POLQ: variants seen among roughly 807,000 people sequenced by gnomAD.
POLQ encodes the protein epididymis secretory sperm binding protein.
In POLQ, 233 loss-of-function variants were observed where a neutral mutation model predicts 259.2. The ratio of observed to expected loss-of-function variants is 0.90; its 90% CI spans 0.81 to 1.00. POLQ has a LOEUF of 1.00. Ranked by LOEUF, POLQ falls within the 50% of genes least tolerant of loss-of-function variation. The pLI, the probability that POLQ is intolerant of heterozygous loss-of-function variation, is 0.00. For missense variants in POLQ, 2,871 were observed against 3,051.6 expected, an observed-to-expected ratio of 0.94 and a Z score of 1.39; for synonymous variants, 1,025 against 1,048.8, an observed-to-expected ratio of 0.98 and a Z score of 0.44.
chr3:121,456,607 AAATC>A, intron 25 of POLQ, among the ~76,000 whole-genome samples: 1 of 151,918 alleles, frequency 6.6e-6, no homozygotes, highest in African/African-American at 2.4e-5. Flanking sequence ...ACAGAGAGCC[AAATC>A]ATGAGTGAAC....
chr3:121,541,404 G>A lies in POLQ; in HGVS notation c.419C>T (p.Ala140Val). Residue 140 changes from alanine to valine, a missense_variant, in exon 3 of 30, where the codon GCT becomes GTT. Ala to Val is a moderately conservative substitution (Grantham distance 64). This residue lies in a region of POLQ where 783 missense variants were observed against 906.2 expected (regional missense o/e 0.86). Coordinates refer to ENST00000264233, the MANE Select transcript of POLQ (RefSeq NM_199420.4). ...LKRVLEMRKK[A>V]LFILPFVSVA... ...AGAAACAAAGGGAAGAATAAACAAA[G>A]CTTTCTTCCGCATTTCCAAAACCCG... The A allele has an allele frequency of 6.2e-7, 1 of 1,609,472 alleles. No individual in the cohort carries two copies. Among genetic ancestry groups the A allele is most frequent in the Non-Finnish European group, 8.5e-7 (1 of 1,176,816 alleles).
At chr3:121,449,725 G>A (rs906667144) in intron 25 of POLQ, among the ~76,000 whole-genome samples, 9 of 152,144 alleles carry the variant, frequency 5.9e-5, no homozygotes, top group Non-Finnish European at 1.3e-4. Flanking sequence ...AGTCTTTATA[G>A]CAACTTTTTA....
chr3:121,456,274 T>A (rs1356990605), intron 25 of POLQ, among the ~76,000 whole-genome samples: 1 of 152,088 alleles, frequency 6.6e-6, no homozygotes, highest in Non-Finnish European at 1.5e-5. Flanking sequence ...ACAGCCAATA[T>A]CACACTGAAC....
At chr3:121,520,122 ACG>A in intron 8 of POLQ, 39 bp from the exon 9 acceptor site, 3 of 1,171,968 alleles carry the variant, frequency 2.6e-6, no homozygotes, top group Non-Finnish European at 3.8e-6. Context: ...TTGATATATA[ACG>A]AAAATATTAT....
intron 12 of POLQ, among the ~76,000 whole-genome samples, chr3:121,505,585 G>C (rs1169888336): frequency 6.6e-6 from 1 of 152,048 alleles, no homozygotes; most frequent in Admixed American, 6.5e-5. Flanking sequence ...GAAGATAAAA[G>C]TTGCCATCTT....
intron 14 of POLQ, among the ~76,000 whole-genome samples, chr3:121,495,081 G>A (rs2048104887): frequency 6.6e-6 from 1 of 151,946 alleles, no homozygotes; most frequent in African/African-American, 2.4e-5. Flanking sequence ...AGACCAGCCT[G>A]ACCAACATGG....
chr3:121,517,236 G>T (rs973170739), intron 9 of POLQ, among the ~76,000 whole-genome samples: 2 of 152,160 alleles, frequency 1.3e-5, no homozygotes, highest in African/African-American at 4.8e-5. Flanking sequence ...TGGGAAGGAA[G>T]AATCTCACTC....
chr3:121,469,023 T>TA (rs1324721911), intron 22 of POLQ, among the ~76,000 whole-genome samples: 1 of 151,902 alleles, frequency 6.6e-6, no homozygotes, highest in African/African-American at 2.4e-5. Context: ...CCGTCTCCAC[T>TA]AAAAACACAA....
chr3:121,440,328 CTT>C (rs1257500963), intron 26 of POLQ, among the ~76,000 whole-genome samples: 1 of 152,086 alleles, frequency 6.6e-6, no homozygotes, highest in African/African-American at 2.4e-5. Context: ...TACTCTAACT[CTT>C]TGGGTTTTTT....
In POLQ at chr3:121,519,973, G is replaced by A. The variant is rs143949381; in HGVS notation, c.1366C>T (p.Arg456Cys). The change falls in exon 9 of 30, where the codon CGT becomes TGT. Residue 456 changes from arginine to cysteine, a missense_variant. Arg to Cys is a radical substitution (Grantham distance 180, BLOSUM62 -3). Transcript: ENST00000264233. ...LSSGVNLPAR[R>C]VIIRTPIFGG... ...AAAATAGGGGTTCGAATAATCACACGACGTGCAGGTAAATTCACCCCAGAA... is the reference window on the plus strand; with the variant it reads ...AAAATAGGGGTTCGAATAATCACACAACGTGCAGGTAAATTCACCCCAGAA... 145 of 1,611,696 alleles carry A rather than the reference G, an allele frequency of 9.0e-5. No individual in the cohort carries two copies. The highest frequency in any genetic ancestry group is 1.6e-4 in the Middle Eastern group (1 of 6,082).
At position 121,460,034 on chromosome 3, in the gene POLQ, T is replaced by C. The variant is rs746554611; in HGVS notation, c.7152+16A>G. The C allele has an allele frequency of 6.3e-7, 1 of 1,598,406 alleles. No homozygotes were observed. The highest frequency in any genetic ancestry group is 8.6e-7 in the Non-Finnish European group (1 of 1,165,928). ...AAATTCTTCTCCTTTATATTAACCA[T>C]GTTCACTAAAATCACCTGTTTTGCC... On this transcript the variant is annotated intron_variant, in intron 25 of 29. Transcript: ENST00000264233.
rs765591013 is a variant in POLQ, at chr3:121,490,403, C to G, written c.2528G>C (p.Arg843Pro). ...TTCCTCTTCCTCATCCACTGCCTTC[C>G]GGGCACTACACAAGGAGATGGGAAA... ...LKNAVPFKSA[R>P]KAVDEEEEAV... Residue 843 changes from arginine to proline, a missense_variant, in exon 16 of 30, where the codon CGG (arginine) becomes CCG (proline). By Grantham distance (103) the Arg-to-Pro change is moderately radical. This residue lies in a region of POLQ where 2,080 missense variants were observed against 2,126.0 expected (regional missense o/e 0.98). Transcript: ENST00000264233. The G allele has an allele frequency of 9.3e-6, 15 of 1,613,144 alleles. No individual in the cohort carries two copies. Among genetic ancestry groups the G allele is most frequent in the African/African-American group, 4.0e-5 (3 of 74,926 alleles).
At chr3:121,494,265 G>C (rs199732489) in intron 14 of POLQ, 14 of 1,593,196 alleles carry the variant, frequency 8.8e-6, no homozygotes, top group Non-Finnish European at 8.5e-7. Flanking sequence ...GACCTCACCC[G>C]CTTTGTGAAA....
chr3:121,475,386 G>A (rs1025453997), intron 20 of POLQ, among the ~76,000 whole-genome samples: 4 of 152,022 alleles, frequency 2.6e-5, no homozygotes, highest in African/African-American at 9.7e-5. Flanking sequence ...TTTCAAAAAT[G>A]ACAGGATGAA....
chr3:121,527,781 G>T (rs2048383206), intron 7 of POLQ, among the ~76,000 whole-genome samples: 1 of 152,076 alleles, frequency 6.6e-6, no homozygotes, highest in Non-Finnish European at 1.5e-5. Flanking sequence ...ACCTCAAATT[G>T]GTCCCATGGT....
At chr3:121,468,908 T>G (rs1002672321) in intron 22 of POLQ, among the ~76,000 whole-genome samples, 2 of 152,222 alleles carry the variant, frequency 1.3e-5, no homozygotes, top group Non-Finnish European at 2.9e-5. Context: ...CTAGAAGTAC[T>G]GAATCAGGTG....
In POLQ at chr3:121,489,228, T is replaced by G. The variant is rs753913320; in HGVS notation, c.3703A>C (p.Ile1235Leu). ...TTAAGCTTTATCCTTTCACAATTGA[T>G]AGTAACATTTGAGTCTCTATTTATG... ...SYINRDSNVT[I>L]NCERIKLNTE... The change falls in exon 16 of 30, where the codon ATC (isoleucine) becomes CTC (leucine). Residue 1235 changes from isoleucine to leucine, a missense_variant. Physicochemically the swap from Ile to Leu is conservative, Grantham distance 5 (BLOSUM62 2). This residue lies in a region of POLQ where 2,080 missense variants were observed against 2,126.0 expected (regional missense o/e 0.98). Transcript: ENST00000264233. 2.5e-6 allele frequency: 4 copies of G among 1,611,886 alleles called. No individual in the cohort carries two copies. In the African/African-American group the frequency reaches 4.0e-5, roughly 16 times the overall value.
intron 19 of POLQ, among the ~76,000 whole-genome samples, chr3:121,479,641 C>G (rs2047955669): frequency 6.6e-6 from 1 of 151,870 alleles, no homozygotes; most frequent in Non-Finnish European, 1.5e-5. Flanking sequence ...TTAGTAGAGA[C>G]AGGGTTTCAC....
intron 12 of POLQ, 98 bp from the exon 13 acceptor site, chr3:121,498,768 G>A (rs552498542): frequency 2.4e-6 from 2 of 819,776 alleles, no homozygotes; most frequent in East Asian, 5.3e-5. Flanking sequence ...AGGCATGATG[G>A]TATGTGCCTG....
Sources: allele counts gnomAD v4.1 joint callset (sites outside exome capture counted in the v4.1 genomes callset), GRCh38; gene constraint gnomAD v4.1.1; regional missense constraint gnomAD v4.1.1; transcripts MANE v1.5; gene names NCBI Gene and HGNC (gene_info 2026-07-23, HGNC 2026-07-21).